The following ZNF215 variants were observed in gnomAD, a reference collection of about 807,000 sequenced individuals.
The protein encoded by ZNF215 is BWSCR2-associated zinc finger protein 2.
A neutral mutation model predicts 27.2 loss-of-function variants in ZNF215; 24 were observed. The ratio of observed to expected loss-of-function variants is 0.88; its 90% confidence interval spans 0.64 to 1.24. ZNF215 has a LOEUF of 1.24. ZNF215 is among the 50% of genes most tolerant of loss of function. The pLI, the probability that ZNF215 is intolerant of heterozygous loss-of-function variation, is 0.00. For missense variants in ZNF215, 675 were observed against 605.7 expected, an observed-to-expected ratio of 1.11 and a Z score of -1.20; for synonymous variants, 210 against 204.0, an observed-to-expected ratio of 1.03 and a Z score of -0.25.
intron 3 of ZNF215, among the ~76,000 whole-genome samples, chr11:6,934,005 A>C (rs907750275): frequency 2.4e-4 from 36 of 152,282 alleles, no homozygotes; most frequent in African/African-American, 8.4e-4. Flanking sequence ...AATCATGTGA[A>C]TGTGTGGACC....
At chr11:6,992,240 A>G (rs1445050788), downstream of ZNF215, among the ~76,000 whole-genome samples, 1 of 152,220 alleles carries the variant, frequency 6.6e-6, no homozygotes, top group East Asian at 1.9e-4. Flanking sequence ...AGCAGAACCA[A>G]GCAGCTCAGC....
chr11:6,993,901 C>G (rs1053769883), downstream of ZNF215, among the ~76,000 whole-genome samples: 3 of 152,162 alleles, frequency 2.0e-5, no homozygotes, highest in African/African-American at 7.2e-5. Flanking sequence ...TGAGGTTGAA[C>G]AAAGCAATGC....
intron 5 of ZNF215, 113 bp from the exon 6 acceptor site, chr11:6,943,433 A>G: frequency 8.6e-7 from 1 of 1,162,674 alleles, no homozygotes; most frequent in East Asian, 2.4e-5. Flanking sequence ...TTCTGGCCTT[A>G]CCCTTCAGCA....
intron 5 of ZNF215, 26 bp from the exon 6 acceptor site, chr11:6,943,520 G>C: frequency 6.3e-7 from 1 of 1,584,058 alleles, no homozygotes; most frequent in Non-Finnish European, 8.7e-7. Context: ...TGTTGTTGTT[G>C]TTCTTTTTAT....
At chr11:6,952,055 T>C (rs1017017179) in intron 6 of ZNF215, among the ~76,000 whole-genome samples, 43 of 152,244 alleles carry the variant, frequency 2.8e-4, no homozygotes, top group African/African-American at 9.4e-4. Flanking sequence ...TGAGTGAGTT[T>C]CTTAACCCTG....
downstream of ZNF215, among the ~76,000 whole-genome samples, chr11:6,960,253 G>C (rs922508891): frequency 3.3e-5 from 5 of 152,144 alleles, no homozygotes; most frequent in Non-Finnish European, 7.3e-5. Flanking sequence ...GGGCCAACTT[G>C]ACAATATATA....
downstream of ZNF215, among the ~76,000 whole-genome samples, chr11:6,986,732 G>A (rs1851058667): frequency 6.6e-6 from 1 of 151,562 alleles, no homozygotes; most frequent in African/African-American, 2.4e-5. Context: ...TATACAAGCA[G>A]TCAACAAATA....
intron 5 of ZNF215, among the ~76,000 whole-genome samples, chr11:6,976,620 G>C (rs1850839308): frequency 6.6e-6 from 1 of 152,020 alleles, no homozygotes; most frequent in African/African-American, 2.4e-5. Context: ...TTCCATTTAA[G>C]AAGAAATTGC....
chr11:6,945,263 A>G (rs78229161), intron 6 of ZNF215, among the ~76,000 whole-genome samples: 10,505 of 152,014 alleles, frequency 0.069, 655 homozygotes, highest in African/African-American at 0.16. Context: ...TTTGGACCTC[A>G]TTTGTCCCTA....
intron 5 of ZNF215, among the ~76,000 whole-genome samples, chr11:6,979,220 G>A (rs1564977357): frequency 6.6e-5 from 10 of 152,008 alleles, no homozygotes. Flanking sequence ...GAGTGACATA[G>A]TAGCAATACG....
At chr11:6,985,042 C>A (rs1310283550), downstream of ZNF215, among the ~76,000 whole-genome samples, 1 of 152,066 alleles carries the variant, frequency 6.6e-6, no homozygotes, top group Non-Finnish European at 1.5e-5. Flanking sequence ...CTCTATAACT[C>A]ATTCTCTAAA....
chr11:6,969,910 A>G (rs1478492596), intron 5 of ZNF215, among the ~76,000 whole-genome samples: 1 of 152,112 alleles, frequency 6.6e-6, no homozygotes, highest in Non-Finnish European at 1.5e-5. Flanking sequence ...CCTCCTGGGT[A>G]GCTGGGATTA....
intron 3 of ZNF215, among the ~76,000 whole-genome samples, chr11:6,940,980 T>C (rs1849614295): frequency 6.6e-6 from 1 of 152,176 alleles, no homozygotes; most frequent in African/African-American, 2.4e-5. Flanking sequence ...CTGATGTAAC[T>C]CATGAATCTT....
At chr11:6,983,351 C>T (rs1233672091) in intron 5 of ZNF215, among the ~76,000 whole-genome samples, 1 of 152,076 alleles carries the variant, frequency 6.6e-6, no homozygotes, top group Non-Finnish European at 1.5e-5. Flanking sequence ...TGGTACCATT[C>T]CTTCTGAAAC....
chr11:6,941,677 C>A lies in ZNF215; in HGVS notation c.483+24C>A, dbSNP rs150900720. ...AGGTGAATTAGGATTCTAGTCTTTA[C>A]TGAACACATATGCTCATTTTTAGTA... On this transcript the variant is annotated intron_variant, in intron 4 of 6. Transcript: ENST00000278319. 7.8e-5 allele frequency: 125 copies of A among 1,611,844 alleles called. 1 individual carries two copies. In the East Asian group the frequency reaches 2.5e-3, roughly 33 times the overall value.
chr11:6,988,407 T>C, downstream of ZNF215: 1 of 262,306 alleles, frequency 3.8e-6, no homozygotes, highest in Non-Finnish European at 5.9e-6. Context: ...TAGGCTTTAA[T>C]GTAACTGATT....
chr11:6,961,569 T>G (rs1422479626), downstream of ZNF215, among the ~76,000 whole-genome samples: 5 of 152,168 alleles, frequency 3.3e-5, no homozygotes, highest in African/African-American at 9.7e-5. Context: ...TGCATTTAAT[T>G]GGTGCGGCAA....
chr11:6,985,036 A>T (rs1851032386), downstream of ZNF215, among the ~76,000 whole-genome samples: 1 of 152,142 alleles, frequency 6.6e-6, no homozygotes, highest in South Asian at 2.1e-4. Context: ...GGGCTCCTCT[A>T]TAACTCATTC....
chr11:6,972,180 C>T (rs181612864), intron 5 of ZNF215, among the ~76,000 whole-genome samples: 2 of 152,080 alleles, frequency 1.3e-5, no homozygotes, highest in Admixed American at 6.6e-5. Context: ...GCATCAGTAA[C>T]CTTTTGTTTT....
Sources: allele counts gnomAD v4.1 joint callset (sites outside exome capture counted in the v4.1 genomes callset), GRCh38; gene constraint gnomAD v4.1.1; transcripts MANE v1.5; gene names NCBI Gene and HGNC (gene_info 2026-07-23, HGNC 2026-07-21).